SEPTIN7: variants seen among roughly 807,000 people sequenced by gnomAD.
SEPTIN7 encodes septin-7.
SEPTIN7 carries 10 observed loss-of-function variants against 63.3 expected under a neutral mutation model. The observed-to-expected ratio is 0.16, with a 90% CI of 0.10 to 0.27. SEPTIN7 has a LOEUF of 0.27. SEPTIN7 is among the 10% of genes least tolerant of loss of function. The pLI is 1.00. For synonymous variants in SEPTIN7, 131 were observed against 165.3 expected, an observed-to-expected ratio of 0.79 and a Z score of 1.59; for missense variants, 310 against 521.0, an observed-to-expected ratio of 0.59 and a Z score of 3.94.
At chr7:35,888,885 A>T in intron 10 of SEPTIN7, 1 of 333,178 alleles carries the variant, frequency 3.0e-6, no homozygotes, top group Non-Finnish European at 5.9e-6. Flanking sequence ...TTATATTGGC[A>T]TAGGTATTTG....
At chr7:35,883,180 G>C (rs1452295178) in intron 8 of SEPTIN7, among the ~76,000 whole-genome samples, 1 of 152,002 alleles carries the variant, frequency 6.6e-6, no homozygotes, top group Non-Finnish European at 1.5e-5. Flanking sequence ...GTACAATTAT[G>C]TTTCAATTAA....
chr7:35,880,218 C>CTTTTTTTTT (rs1396218271), intron 7 of SEPTIN7, among the ~76,000 whole-genome samples: 7 of 91,450 alleles, frequency 7.7e-5, no homozygotes, highest in East Asian at 6.4e-4. Flanking sequence ...CTTTTTTTTT[C>CTTTTTTTTT]TTTTCTTTTT....
intron 10 of SEPTIN7, chr7:35,888,842 AAAAC>A: frequency 2.6e-6 from 1 of 389,490 alleles, no homozygotes; most frequent in East Asian, 7.5e-5. Context: ...AAAAAAAAAA[AAAAC>A]GGAAAAGAAA....
chr7:35,863,409 C>A lies in SEPTIN7; in HGVS notation c.170-143C>A, dbSNP rs1785621522. The A allele has an allele frequency of 1.8e-5, 10 of 566,440 alleles. No homozygotes were observed. In the South Asian group the frequency reaches 2.3e-4, roughly 13 times the overall value. The allele number at this position is 566,440 out of a possible 1,614,324, so 35.1% of individuals were successfully genotyped here. On this transcript the variant is annotated intron_variant, in intron 3 of 13. Transcript: ENST00000350320. ...AGCAACTGAGGACAAGATACTTATT[C>A]TCTGTAGCATATTTTCTAATGTCAT...
intron 11 of SEPTIN7, among the ~76,000 whole-genome samples, chr7:35,895,464 CTG>C (rs759749728): frequency 1.1e-4 from 17 of 152,194 alleles, no homozygotes; most frequent in Non-Finnish European, 2.4e-4. Context: ...AGTATCTTAA[CTG>C]TTAAATAATT....
chr7:35,838,031 C>T (rs75461575), intron 3 of SEPTIN7, among the ~76,000 whole-genome samples: 1,904 of 151,918 alleles, frequency 0.013, 30 homozygotes, highest in African/African-American at 0.043. Context: ...ACCTGGCCGT[C>T]GCAAGTTATT....
At chr7:35,889,086 T>C (rs1283217700) in intron 10 of SEPTIN7, among the ~76,000 whole-genome samples, 1 of 152,206 alleles carries the variant, frequency 6.6e-6, no homozygotes, top group Non-Finnish European at 1.5e-5. Flanking sequence ...GACGTATACT[T>C]GTACCAAAAA....
At chr7:35,865,386 G>A (rs1221917636) in intron 4 of SEPTIN7, among the ~76,000 whole-genome samples, 1 of 152,096 alleles carries the variant, frequency 6.6e-6, no homozygotes, top group Non-Finnish European at 1.5e-5. Flanking sequence ...GTTCTTGAAT[G>A]TTACATACAT....
chr7:35,822,717 T>C (rs1783289659), intron 1 of SEPTIN7, among the ~76,000 whole-genome samples: 1 of 152,208 alleles, frequency 6.6e-6, no homozygotes, highest in African/African-American at 2.4e-5. Flanking sequence ...TATAATTGCA[T>C]ATGTGGTTAC....
At chr7:35,873,268 A>G (rs1192642781) in intron 5 of SEPTIN7, among the ~76,000 whole-genome samples, 7 of 151,746 alleles carry the variant, frequency 4.6e-5, no homozygotes, top group Non-Finnish European at 1.0e-4. Context: ...TTTTCTGTCA[A>G]CTCTTAAAAC....
intron 1 of SEPTIN7, among the ~76,000 whole-genome samples, chr7:35,802,879 G>T (rs1165795939): frequency 6.6e-6 from 1 of 152,178 alleles, no homozygotes; most frequent in Non-Finnish European, 1.5e-5. Context: ...TGTTCAGTGG[G>T]TGGGACTAAA....
At chr7:35,836,028 CT>C (rs1233306002) in intron 3 of SEPTIN7, among the ~76,000 whole-genome samples, 1 of 152,068 alleles carries the variant, frequency 6.6e-6, no homozygotes, top group Non-Finnish European at 1.5e-5. Flanking sequence ...GATCTGACCC[CT>C]AAGGTGTAAC....
chr7:35,882,489 G>T lies in SEPTIN7; in HGVS notation c.636G>T (p.Met212Ile). The change falls in exon 8 of 14, where the codon ATG becomes ATT. Residue 212 changes from methionine to isoleucine, a missense_variant. This residue lies in a region of SEPTIN7 where 255 missense variants were observed against 490.5 expected (regional missense o/e 0.52). Transcript: ENST00000350320. ...EECQQFKKQI[M>I]KEIQEHKIKI... ...GACTACTTCTTCCATTTTAGATAAT[G>T]AAAGAAATCCAAGAACATAAAATTA... 6.8e-7 allele frequency: 1 copy of T among 1,463,518 alleles called. No homozygotes were observed. The allele number at this position is 1,463,518 out of a possible 1,614,324, so 90.7% of individuals were successfully genotyped here. A position where few individuals can be genotyped will look rare whatever the true frequency, so the allele number is the denominator to read the frequency against.
intron 4 of SEPTIN7, among the ~76,000 whole-genome samples, chr7:35,869,372 A>G (rs1786007474): frequency 6.6e-6 from 1 of 152,176 alleles, no homozygotes; most frequent in Non-Finnish European, 1.5e-5. Context: ...TGAAACATGT[A>G]AGATGATATT....
chr7:35,907,945 G>A (rs997899858), downstream of SEPTIN7, among the ~76,000 whole-genome samples: 2 of 152,196 alleles, frequency 1.3e-5, no homozygotes, highest in Admixed American at 6.5e-5. Context: ...ATCTGCTGGG[G>A]TCATGACAGA....
At chr7:35,810,375 G>C (rs938083256) in intron 1 of SEPTIN7, among the ~76,000 whole-genome samples, 2 of 149,144 alleles carry the variant, frequency 1.3e-5, no homozygotes, top group Admixed American at 1.3e-4. Context: ...CCAGGCTATA[G>C]TGCAGTGGCG....
intron 3 of SEPTIN7, among the ~76,000 whole-genome samples, chr7:35,841,111 C>T (rs1784387701): frequency 6.6e-6 from 1 of 152,070 alleles, no homozygotes; most frequent in African/African-American, 2.4e-5. Flanking sequence ...ATCCTAGCTA[C>T]TCAGGAGGCT....
intron 11 of SEPTIN7, among the ~76,000 whole-genome samples, chr7:35,894,562 A>G (rs1787845751): frequency 6.6e-6 from 1 of 152,188 alleles, no homozygotes; most frequent in Non-Finnish European, 1.5e-5. Context: ...TCATGAAATT[A>G]TAATGATAGT....
rs59165377 is a variant in SEPTIN7 at position 35,839,523 on chromosome 7, TTTATGTTATGTTATG to T, written c.169+6653_169+6667del. 9.1e-3 allele frequency among the ~76,000 whole-genome samples: 1,351 copies of T among 148,300 alleles called. 23 individuals carry two copies. Among genetic ancestry groups the T allele is most frequent in the African/African-American group, 0.03 (1,205 of 39,996 alleles). On this transcript the variant is annotated intron_variant, in intron 3 of 13. Coordinates refer to ENST00000350320, the MANE Select transcript of SEPTIN7 (RefSeq NM_001788.6). ...ATGGAATATGCTATAATTTTTGTAA[TTTATGTTATGTTATG>T]TTATGTTATGTTATGTTATGTTATG...
Sources: allele counts gnomAD v4.1 joint callset (sites outside exome capture counted in the v4.1 genomes callset), GRCh38; gene constraint gnomAD v4.1.1; regional missense constraint gnomAD v4.1.1; transcripts MANE v1.5; gene names NCBI Gene and HGNC (gene_info 2026-07-23, HGNC 2026-07-21).